PTPRN2: variants seen among roughly 807,000 people sequenced by gnomAD.
PTPRN2 encodes the protein receptor-type tyrosine-protein phosphatase N2.
PTPRN2 carries 74 observed loss-of-function variants against 118.8 expected under a neutral mutation model. That is an observed-to-expected ratio of 0.62 (90% CI 0.52 to 0.76). The LOEUF (loss-of-function observed/expected upper bound fraction) is 0.76. Among genes scored for constraint, PTPRN2 ranks in the 30% least tolerant of loss-of-function variants. The pLI is 0.00. For synonymous variants in PTPRN2, 641 were observed against 608.0 expected (o/e 1.05, Z -0.80); for missense variants, 1,481 against 1,394.4 (o/e 1.06, Z -0.99).
At chr7:158,170,158 G>A (rs774663591) in intron 5 of PTPRN2, among the ~76,000 whole-genome samples, 8 of 152,190 alleles carry the variant, frequency 5.3e-5, no homozygotes, top group South Asian at 2.1e-4. Context: ...GCGAGCGAGC[G>A]AGAGACAGTG....
At chr7:158,395,689 C>CGAGGCGCGAGGCGCGAGGCGCGAGGGGA (rs1812385666) in intron 2 of PTPRN2, among the ~76,000 whole-genome samples, 3 of 51,368 alleles carry the variant, frequency 5.8e-5, no homozygotes, top group Non-Finnish European at 1.2e-4. Context: ...GGGCGAGGCG[C>CGAGGCGCGAGGCGCGAGGCGCGAGGGGA]GAGGGGCGAG....
intron 12 of PTPRN2, among the ~76,000 whole-genome samples, chr7:157,734,882 G>A (rs748758929): frequency 2.6e-4 from 39 of 152,230 alleles, no homozygotes; most frequent in Admixed American, 1.3e-4. Context: ...ATGTGCCTGC[G>A]TTTTCCAATA....
chr7:158,050,642 C>T (rs1809255102), intron 11 of PTPRN2, among the ~76,000 whole-genome samples: 2 of 152,240 alleles, frequency 1.3e-5, no homozygotes, highest in South Asian at 4.1e-4. Flanking sequence ...CCGCTCTCCC[C>T]CGTCACGCTG....
chr7:157,700,774 T>C (rs1479998294), intron 12 of PTPRN2, among the ~76,000 whole-genome samples: 1 of 152,164 alleles, frequency 6.6e-6, no homozygotes, highest in Non-Finnish European at 1.5e-5. Context: ...CTCCCCTGCA[T>C]GCCTTCCCCA....
chr7:157,974,507 C>T lies in PTPRN2; in HGVS notation c.1724-75770G>A, dbSNP rs1802584722. ...GAACAGTGTTCACTGGCAGTGGGAA[C>T]CGTCGGTCCTGCCATGGGACGATGT... is the stretch of plus-strand genomic sequence containing the variant. On this transcript the variant is annotated intron_variant, in intron 11 of 22. Coordinates refer to ENST00000389418, the MANE Select transcript of PTPRN2 (RefSeq NM_002847.5). The surrounding 1 kb of genome is among the most constrained non-coding windows in gnomAD (Gnocchi z 4.0). 6.6e-6 allele frequency among the ~76,000 whole-genome samples: 1 copy of T among 152,172 alleles called. No individual in the cohort carries two copies. Among genetic ancestry groups the T allele is most frequent in the Non-Finnish European group, 1.5e-5 (1 of 68,032 alleles).
chr7:158,456,619 C>T (rs1290982051), intron 2 of PTPRN2, among the ~76,000 whole-genome samples: 2 of 152,196 alleles, frequency 1.3e-5, no homozygotes, highest in Non-Finnish European at 2.9e-5. Flanking sequence ...CGGACGCCAT[C>T]GGCCATGGCC....
chr7:158,017,155 G>A (rs575827954), intron 11 of PTPRN2, among the ~76,000 whole-genome samples: 2 of 152,228 alleles, frequency 1.3e-5, no homozygotes, highest in African/African-American at 4.8e-5. Context: ...GCTTTAAAAC[G>A]ATAGCAAGGT....
At chr7:157,606,848 G>A (rs1802030817) in intron 15 of PTPRN2, among the ~76,000 whole-genome samples, 1 of 152,216 alleles carries the variant, frequency 6.6e-6, no homozygotes, top group Admixed American at 6.5e-5. Flanking sequence ...GATTGAACTA[G>A]GAAAGTACTG....
At chr7:158,266,638 G>A (rs74724040) in intron 3 of PTPRN2, among the ~76,000 whole-genome samples, 5,403 of 152,230 alleles carry the variant, frequency 0.035, 331 homozygotes, top group African/African-American at 0.12. Flanking sequence ...CAGCAGCAGC[G>A]GCCTCAGGAC....
intron 6 of PTPRN2, among the ~76,000 whole-genome samples, chr7:158,146,137 C>A (rs1176040682): frequency 1.3e-5 from 2 of 152,182 alleles, no homozygotes; most frequent in Non-Finnish European, 2.9e-5. Flanking sequence ...TCATTGTGAT[C>A]CTCAGGTGAG....
intron 11 of PTPRN2, among the ~76,000 whole-genome samples, chr7:158,020,151 G>T (rs1005683017): frequency 6.6e-6 from 1 of 152,324 alleles, no homozygotes; most frequent in South Asian, 2.1e-4. Context: ...CAGGTGGGGT[G>T]ACCCCAGCCC....
chr7:157,613,455 C>T (rs1802520890), intron 15 of PTPRN2, among the ~76,000 whole-genome samples: 1 of 152,204 alleles, frequency 6.6e-6, no homozygotes, highest in Admixed American at 6.5e-5. Context: ...CGGCTGCGGC[C>T]AGAGACTTCC....
At chr7:157,642,590 T>C (rs1804741268) in intron 14 of PTPRN2, among the ~76,000 whole-genome samples, 1 of 152,002 alleles carries the variant, frequency 6.6e-6, no homozygotes, top group Non-Finnish European at 1.5e-5. Flanking sequence ...CACTGGGTGC[T>C]CAGAAAACGC....
intron 12 of PTPRN2, among the ~76,000 whole-genome samples, chr7:157,786,718 T>C (rs1804062664): frequency 6.6e-6 from 1 of 152,220 alleles, no homozygotes; most frequent in South Asian, 2.1e-4. Flanking sequence ...TTTGGAAACA[T>C]GAATTCATGT....
chr7:158,447,418 C>T (rs1482943401), intron 2 of PTPRN2, among the ~76,000 whole-genome samples: 1 of 152,210 alleles, frequency 6.6e-6, no homozygotes, highest in Non-Finnish European at 1.5e-5. Context: ...CACTACAGAG[C>T]ACAAGACCCG....
intron 14 of PTPRN2, among the ~76,000 whole-genome samples, chr7:157,639,510 C>A (rs756487294): frequency 6.6e-6 from 1 of 152,204 alleles, no homozygotes; most frequent in African/African-American, 2.4e-5. Flanking sequence ...TCCACAGACA[C>A]GTAGAATGCT....
chr7:157,582,826 A>G (rs1800468823), intron 17 of PTPRN2, among the ~76,000 whole-genome samples: 1 of 151,794 alleles, frequency 6.6e-6, no homozygotes, highest in African/African-American at 2.4e-5. Flanking sequence ...GTGAGCCGAG[A>G]CCGTGTCATT....
intron 12 of PTPRN2, among the ~76,000 whole-genome samples, chr7:157,703,654 C>T (rs1377207947): frequency 6.6e-6 from 1 of 152,168 alleles, no homozygotes; most frequent in Admixed American, 6.5e-5. Context: ...GCAGAGGCAC[C>T]TGCAGGAGGT....
intron 11 of PTPRN2, among the ~76,000 whole-genome samples, chr7:157,936,519 G>A (rs62475371): frequency 0.11 from 14,676 of 138,358 alleles, 813 homozygotes; most frequent in Non-Finnish European, 0.14. Context: ...GTTCTCCCGA[G>A]CACCACTCAA....
Sources: allele counts gnomAD v4.1 joint callset (sites outside exome capture counted in the v4.1 genomes callset), GRCh38; gene constraint gnomAD v4.1.1; non-coding constraint Gnocchi (gnomAD v3.1); transcripts MANE v1.5; gene names NCBI Gene and HGNC (gene_info 2026-07-23, HGNC 2026-07-21).